The following SYNPR variants were observed in gnomAD, a reference collection of about 807,000 sequenced individuals.
SYNPR encodes synaptoporin.
SYNPR carries 23 observed loss-of-function variants against 32.9 expected under a neutral mutation model. The observed-to-expected ratio is 0.70, with a 90% CI of 0.50 to 0.99. The LOEUF (loss-of-function observed/expected upper bound fraction) is 0.99. Among genes scored for constraint, SYNPR ranks in the 50% least tolerant of loss-of-function variants. The pLI, the probability that SYNPR is intolerant of heterozygous loss-of-function variation, is 0.00. For missense variants in SYNPR, 318 were observed against 349.3 expected (o/e 0.91, Z 0.71); for synonymous variants, 146 against 135.9 (o/e 1.07, Z -0.52).
chr3:63,333,118 T>G (rs760260198), intron 2 of SYNPR, among the ~76,000 whole-genome samples: 2 of 136,596 alleles, frequency 1.5e-5, no homozygotes, highest in Non-Finnish European at 3.3e-5. Context: ...CAAAAACAGG[T>G]TTTTTTTCTT....
At chr3:63,338,727 T>C (rs2087325465) in intron 2 of SYNPR, among the ~76,000 whole-genome samples, 1 of 152,246 alleles carries the variant, frequency 6.6e-6, no homozygotes, top group Non-Finnish European at 1.5e-5. Flanking sequence ...ACCCACGATC[T>C]GAACACATAC....
At chr3:63,234,765 G>T (rs1012832417) in intron 1 of SYNPR, among the ~76,000 whole-genome samples, 2 of 152,186 alleles carry the variant, frequency 1.3e-5, no homozygotes, top group African/African-American at 2.4e-5. Context: ...GGGCCAGTGG[G>T]CCTGTGCCAA....
intron 4 of SYNPR, among the ~76,000 whole-genome samples, chr3:63,561,198 CAAAT>C (rs1471078188): frequency 9.9e-5 from 15 of 152,090 alleles, no homozygotes; most frequent in African/African-American, 3.4e-4. Context: ...ACATCCTGCA[CAAAT>C]AAAGTTAATG....
At chr3:63,346,089 A>G (rs1395061137) in intron 2 of SYNPR, among the ~76,000 whole-genome samples, 1 of 152,208 alleles carries the variant, frequency 6.6e-6, no homozygotes, top group African/African-American at 2.4e-5. Context: ...TGCTAGGATT[A>G]CAGGTGTGAG....
At chr3:63,492,472 A>G (rs1701273309) in intron 3 of SYNPR, among the ~76,000 whole-genome samples, 1 of 152,232 alleles carries the variant, frequency 6.6e-6, no homozygotes, top group Non-Finnish European at 1.5e-5. Flanking sequence ...GTAAAGACTC[A>G]AAGCATTAAT....
intron 2 of SYNPR, among the ~76,000 whole-genome samples, chr3:63,306,044 A>G (rs1233443913): frequency 1.3e-5 from 2 of 151,946 alleles, no homozygotes; most frequent in African/African-American, 4.8e-5. Context: ...CCACTTCTCC[A>G]TCTCCAACAA....
intron 2 of SYNPR, among the ~76,000 whole-genome samples, chr3:63,340,014 C>T (rs970019874): frequency 6.6e-6 from 1 of 152,144 alleles, no homozygotes; most frequent in African/African-American, 2.4e-5. Context: ...CTCCTGTAAA[C>T]CAGTAATCAC....
intron 2 of SYNPR, among the ~76,000 whole-genome samples, chr3:63,296,517 T>C (rs1461134218): frequency 6.6e-6 from 1 of 152,200 alleles, no homozygotes; most frequent in Non-Finnish European, 1.5e-5. Context: ...TAACCTTAGC[T>C]TGGTTTTTGA....
intron 4 of SYNPR, among the ~76,000 whole-genome samples, chr3:63,602,033 C>A (rs1700052549): frequency 6.6e-6 from 1 of 152,088 alleles, no homozygotes; most frequent in African/African-American, 2.4e-5. Context: ...TTAATAATAG[C>A]CATTCTGACC....
rs778466747 is a variant in SYNPR, at chr3:63,525,194, C to A, written c.210-31349C>A. 5.2e-4 allele frequency among the ~76,000 whole-genome samples: 79 copies of A among 152,152 alleles called. 1 individual carries two copies. The highest frequency in any genetic ancestry group is 4.6e-4 in the Admixed American group (7 of 15,274). The stretch of plus-strand genomic sequence containing the variant: ...CATGTATGTATATCACATCAAAATA[C>A]TAGTTTTCATGTGATCCTAAAAACT... On this transcript the variant is annotated intron_variant, in intron 3 of 5. Transcript: ENST00000478300.
intron 3 of SYNPR, among the ~76,000 whole-genome samples, chr3:63,546,756 C>T (rs867211522): frequency 1.3e-5 from 2 of 151,988 alleles, no homozygotes; most frequent in Non-Finnish European, 2.9e-5. Flanking sequence ...CTTTAAGACA[C>T]TTAATGCATA....
chr3:63,405,074 T>G (rs1364245179), intron 2 of SYNPR, among the ~76,000 whole-genome samples: 2 of 152,172 alleles, frequency 1.3e-5, no homozygotes, highest in African/African-American at 4.8e-5. Flanking sequence ...TCCCATTATT[T>G]GATGACATTC....
chr3:63,315,640 G>C (rs912929036), intron 2 of SYNPR, among the ~76,000 whole-genome samples: 1 of 151,846 alleles, frequency 6.6e-6, no homozygotes, highest in African/African-American at 2.4e-5. Flanking sequence ...GCTTTCTGGA[G>C]GAGTCCTTAG....
At chr3:63,262,368 C>G (rs1453864922) in intron 2 of SYNPR, among the ~76,000 whole-genome samples, 1 of 152,198 alleles carries the variant, frequency 6.6e-6, no homozygotes, top group African/African-American at 2.4e-5. Context: ...AGAATCATTG[C>G]TCTGAGGCCC....
At chr3:63,296,462 G>A (rs1004731256) in intron 2 of SYNPR, among the ~76,000 whole-genome samples, 2 of 152,142 alleles carry the variant, frequency 1.3e-5, no homozygotes, top group African/African-American at 4.8e-5. Flanking sequence ...GAGGTTCTCA[G>A]GAGCCTAGTC....
intron 2 of SYNPR, among the ~76,000 whole-genome samples, chr3:63,473,242 C>T (rs75200039): frequency 0.029 from 4,356 of 152,230 alleles, 186 homozygotes; most frequent in African/African-American, 0.098. Context: ...GTCCCCCTTC[C>T]CTCCCCTGCA....
chr3:63,559,476 T>A (rs971004563), intron 4 of SYNPR, among the ~76,000 whole-genome samples: 7 of 152,162 alleles, frequency 4.6e-5, no homozygotes, highest in Admixed American at 2.0e-4. Flanking sequence ...AGGGACATAG[T>A]TTTTAAAAAT....
At chr3:63,418,370 G>A (rs960328312) in intron 2 of SYNPR, among the ~76,000 whole-genome samples, 4 of 152,132 alleles carry the variant, frequency 2.6e-5, no homozygotes, top group African/African-American at 7.2e-5. Context: ...TCTCTAGGAA[G>A]TTCCAAACTG....
intron 2 of SYNPR, among the ~76,000 whole-genome samples, chr3:63,433,206 G>T (rs936000467): frequency 6.6e-6 from 1 of 152,184 alleles, no homozygotes; most frequent in Non-Finnish European, 1.5e-5. Flanking sequence ...CTTACAGGGA[G>T]TTTTTGTCTC....
Sources: allele counts gnomAD v4.1 joint callset (sites outside exome capture counted in the v4.1 genomes callset), GRCh38; gene constraint gnomAD v4.1.1; transcripts MANE v1.5; gene names NCBI Gene and HGNC (gene_info 2026-07-23, HGNC 2026-07-21).